SDC2: variants seen among roughly 807,000 people sequenced by gnomAD.
SDC2 encodes syndecan 2.
SDC2 carries 13 observed loss-of-function variants against 22.2 expected under a neutral mutation model. The observed-to-expected ratio is 0.59, with a 90% CI of 0.38 to 0.93. SDC2 has a LOEUF of 0.93. Among genes scored for constraint, SDC2 ranks in the 40% least tolerant of loss-of-function variants. SDC2 has a pLI of 0.00. For missense variants in SDC2, 235 were observed against 246.8 expected, an observed-to-expected ratio of 0.95 and a Z score of 0.32; for synonymous variants, 94 against 92.8, an observed-to-expected ratio of 1.01 and a Z score of -0.07.
At chr8:96,594,717 A>G (rs1340692041) in intron 2 of SDC2, among the ~76,000 whole-genome samples, 2 of 152,224 alleles carry the variant, frequency 1.3e-5, no homozygotes, top group East Asian at 3.8e-4. Context: ...GGGACTGGGT[A>G]ATTTATAAAA....
intron 1 of SDC2, among the ~76,000 whole-genome samples, chr8:96,589,658 G>A (rs1217202384): frequency 6.6e-6 from 1 of 152,192 alleles, no homozygotes. Flanking sequence ...TGATCCGCCC[G>A]CCTTGGCCTC....
chr8:96,572,726 G>C lies in SDC2; in HGVS notation c.61-20754G>C, dbSNP rs181808730. ...CACATATCGTGGTCCATTTCTATAG[G>C]ATCACTGTTGGTGTCATCTTTGTTT... On this transcript the variant is annotated intron_variant, in intron 1 of 4. Transcript: ENST00000302190. Among the ~76,000 whole-genome samples, 5 of 152,244 alleles carry C rather than the reference G, an allele frequency of 3.3e-5. No homozygotes were observed. In the East Asian group the frequency reaches 9.6e-4, roughly 29 times the overall value.
intron 1 of SDC2, among the ~76,000 whole-genome samples, chr8:96,586,877 A>G (rs910671645): frequency 6.6e-6 from 1 of 152,200 alleles, no homozygotes; most frequent in Non-Finnish European, 1.5e-5. Context: ...ATGAATTAAG[A>G]ACTATTTAAG....
rs1165918944 is a variant in SDC2, at chr8:96,610,441, T to C, written c.*893T>C. 1 of 152,660 alleles carries C rather than the reference T, an allele frequency of 6.6e-6. No homozygotes were observed. Among genetic ancestry groups the C allele is most frequent in the Non-Finnish European group, 1.5e-5 (1 of 68,036 alleles). 9.5% of individuals were successfully genotyped at this position (152,660 alleles called of 1,614,324 possible). ...ATGCATTTAAGTTGTAAACGTCTTT[T>C]TAAGCCTTTGAAGTGCCTCTGATTC... On this transcript the variant is annotated 3_prime_UTR_variant, in exon 5 of 5. Transcript: ENST00000302190.
At chr8:96,592,998 A>C (rs1309650776) in intron 1 of SDC2, among the ~76,000 whole-genome samples, 1 of 152,220 alleles carries the variant, frequency 6.6e-6, no homozygotes. Flanking sequence ...GAGTATTGCC[A>C]GGCCTGCAAG....
At chr8:96,524,900 A>G (rs928596124) in intron 1 of SDC2, among the ~76,000 whole-genome samples, 2 of 152,096 alleles carry the variant, frequency 1.3e-5, no homozygotes, top group African/African-American at 4.8e-5. Flanking sequence ...AATCTTGGGA[A>G]GATGTGGGGT....
chr8:96,554,811 C>T (rs1285691917), intron 1 of SDC2, among the ~76,000 whole-genome samples: 1 of 152,150 alleles, frequency 6.6e-6, no homozygotes, highest in Non-Finnish European at 1.5e-5. Context: ...GGTCTGGCGG[C>T]TGCTTGTTTT....
intron 4 of SDC2, among the ~76,000 whole-genome samples, chr8:96,609,049 G>GA (rs1815132406): frequency 6.6e-6 from 1 of 151,830 alleles, no homozygotes; most frequent in Non-Finnish European, 1.5e-5. Context: ...GTTCTCTGTT[G>GA]AAAAAAAGCA....
chr8:96,608,430 A>G lies in SDC2; in HGVS notation c.402A>G (p.Lys134=), dbSNP rs1217822437. The G allele has an allele frequency of 3.7e-6, 6 of 1,613,580 alleles. No homozygotes were observed. In the African/African-American group the frequency reaches 4.0e-5, roughly 11 times the overall value. Residue 134 remains lysine, a synonymous_variant, in exon 4 of 5, where the codon AAA becomes AAG. Coordinates refer to ENST00000302190, the MANE Select transcript of SDC2 (RefSeq NM_002998.4). ...AGGATACAAATGTGTATACTGAGAA[A>G]CACTCAGACAGTCTGTTTAAACGGA... ...AEEDTNVYTE[K]HSDSLFKRTE...
intron 3 of SDC2, among the ~76,000 whole-genome samples, chr8:96,604,151 G>T (rs1406035860): frequency 6.6e-6 from 1 of 152,184 alleles, no homozygotes; most frequent in Non-Finnish European, 1.5e-5. Context: ...CAACTCTCCT[G>T]GGTGAGTTTT....
chr8:96,495,430 C>T (rs2437771), intron 1 of SDC2, among the ~76,000 whole-genome samples: 113,553 of 152,084 alleles, frequency 0.75, 42,742 homozygotes, highest in African/African-American at 0.83. Flanking sequence ...CAGCTGCCTC[C>T]ACCTGGGCGC....
At chr8:96,598,206 C>A (rs1286102316) in intron 2 of SDC2, among the ~76,000 whole-genome samples, 4 of 152,210 alleles carry the variant, frequency 2.6e-5, no homozygotes, top group African/African-American at 9.7e-5. Flanking sequence ...GCCCTGCCCC[C>A]ATGACCTGCT....
intron 1 of SDC2, among the ~76,000 whole-genome samples, chr8:96,561,978 AG>A (rs1176168651): frequency 6.6e-6 from 1 of 152,086 alleles, no homozygotes; most frequent in African/African-American, 2.4e-5. Context: ...TGTCTTTCCC[AG>A]AGAAGTTTTT....
chr8:96,521,630 A>G (rs1294058078), intron 1 of SDC2, among the ~76,000 whole-genome samples: 1 of 152,232 alleles, frequency 6.6e-6, no homozygotes, highest in Non-Finnish European at 1.5e-5. Context: ...ATGTCTATTT[A>G]GAGTTCTTTG....
intron 1 of SDC2, among the ~76,000 whole-genome samples, chr8:96,573,253 A>G (rs1230189504): frequency 2.0e-4 from 3 of 14,864 alleles, no homozygotes; most frequent in Non-Finnish European, 5.9e-4. Flanking sequence ...GTTTTAGTCC[A>G]GGTGTCTGAC....
chr8:96,540,821 C>G (rs1813836836), intron 1 of SDC2, among the ~76,000 whole-genome samples: 2 of 152,098 alleles, frequency 1.3e-5, no homozygotes, highest in Non-Finnish European at 2.9e-5. Flanking sequence ...CTGATAAGAG[C>G]AAGGAAGTTT....
rs542502995 is a variant in SDC2, at chr8:96,540,068, A to G, written c.60+45737A>G. 4.6e-5 allele frequency among the ~76,000 whole-genome samples: 7 copies of G among 152,204 alleles called. No homozygotes were observed. The South Asian group carries it at 1.2e-3, about 27-fold the overall frequency. The stretch of plus-strand genomic sequence containing the variant: ...CTCCAGTAAGTTTCAAGAAATAGGA[A>G]GAAAAATGTAGTGTTCATTACATGA... On this transcript the variant is annotated intron_variant, in intron 1 of 4. Coordinates refer to ENST00000302190, the MANE Select transcript of SDC2 (RefSeq NM_002998.4).
intron 1 of SDC2, among the ~76,000 whole-genome samples, chr8:96,573,453 C>A (rs1231511766): frequency 6.6e-6 from 1 of 151,770 alleles, no homozygotes; most frequent in African/African-American, 2.4e-5. Flanking sequence ...GGGCTAATAC[C>A]TGCGGCGTTG....
At chr8:96,544,221 G>A (rs548958954) in intron 1 of SDC2, among the ~76,000 whole-genome samples, 16 of 152,308 alleles carry the variant, frequency 1.1e-4, no homozygotes, top group African/African-American at 3.6e-4. Context: ...CTAATTGGAT[G>A]TGTACTTACC....
Sources: gnomAD v4.1 joint callset for allele counts (sites outside exome capture counted in the v4.1 genomes callset) on GRCh38, gnomAD v4.1.1 for gene constraint, MANE v1.5 for transcripts, NCBI Gene and HGNC (gene_info 2026-07-23, HGNC 2026-07-21) for gene names.